The following OPCML variants were observed in gnomAD, a reference collection of about 807,000 sequenced individuals.
OPCML encodes the protein opioid-binding protein/cell adhesion molecule.
Under a neutral mutation model 37.8 loss-of-function variants are expected in OPCML, and 13 were observed. That is an observed-to-expected ratio of 0.34 (90% CI 0.22 to 0.55). The LOEUF (loss-of-function observed/expected upper bound fraction) is 0.55, where lower values mean the gene tolerates loss of function less well. Among genes scored for constraint, OPCML ranks in the 20% least tolerant of loss-of-function variants. The pLI, the probability that OPCML is intolerant of heterozygous loss-of-function variation, is 0.91. For missense variants in OPCML, 341 were observed against 435.6 expected (o/e 0.78, Z 1.93); for synonymous variants, 176 against 168.8 (o/e 1.04, Z -0.33).
At chr11:132,963,376 G>A (rs1170552294) in intron 1 of OPCML, among the ~76,000 whole-genome samples, 1 of 151,952 alleles carries the variant, frequency 6.6e-6, no homozygotes, top group Non-Finnish European at 1.5e-5. Context: ...CGGATCACGA[G>A]GTCAGGAGTC....
At chr11:132,508,734 G>T (rs1311470789) in intron 4 of OPCML, among the ~76,000 whole-genome samples, 1 of 152,148 alleles carries the variant, frequency 6.6e-6, no homozygotes, top group Non-Finnish European at 1.5e-5. Context: ...CATGTAAGAA[G>T]TGCCTTTGCC....
intron 3 of OPCML, among the ~76,000 whole-genome samples, chr11:132,613,461 G>C (rs964109399): frequency 3.9e-5 from 6 of 152,198 alleles, no homozygotes; most frequent in African/African-American, 1.4e-4. Context: ...CCAGCTAATT[G>C]ATTTTATATA....
intron 4 of OPCML, among the ~76,000 whole-genome samples, chr11:132,486,417 A>G (rs921322639): frequency 1.3e-5 from 2 of 152,186 alleles, no homozygotes; most frequent in Non-Finnish European, 2.9e-5. Flanking sequence ...ATTGTTAAAA[A>G]AAATGCATTT....
chr11:133,378,019 T>G (rs1175930130), intron 1 of OPCML, among the ~76,000 whole-genome samples: 2 of 152,340 alleles, frequency 1.3e-5, no homozygotes, highest in East Asian at 3.9e-4. Context: ...GAAATCGGTC[T>G]TCCTGTAATT....
chr11:133,428,690 T>C (rs1030044548), intron 1 of OPCML, among the ~76,000 whole-genome samples: 14 of 152,018 alleles, frequency 9.2e-5, no homozygotes, highest in Non-Finnish European at 1.5e-4. Context: ...GAAAATGAGC[T>C]TCAATAAATG....
intron 2 of OPCML, among the ~76,000 whole-genome samples, chr11:132,878,036 G>C (rs1419638947): frequency 6.6e-6 from 1 of 152,180 alleles, no homozygotes; most frequent in African/African-American, 2.4e-5. Flanking sequence ...CAACAAATTA[G>C]CTGGCTGTGG....
At chr11:133,341,977 C>T (rs762345176) in intron 1 of OPCML, among the ~76,000 whole-genome samples, 1 of 151,954 alleles carries the variant, frequency 6.6e-6, no homozygotes, top group Non-Finnish European at 1.5e-5. Flanking sequence ...GAATTAATAA[C>T]ATCGAGCCTG....
intron 1 of OPCML, among the ~76,000 whole-genome samples, chr11:133,200,267 A>C (rs1938715078): frequency 6.6e-6 from 1 of 152,208 alleles, no homozygotes; most frequent in South Asian, 2.1e-4. Flanking sequence ...AGAGATTGGC[A>C]CACTGATTTC....
intron 1 of OPCML, among the ~76,000 whole-genome samples, chr11:133,264,902 T>C (rs1380651340): frequency 2.0e-5 from 3 of 152,214 alleles, no homozygotes; most frequent in Admixed American, 6.5e-5. Context: ...AATAGTTAAT[T>C]ATGTGTTAGA....
chr11:132,726,983 C>T (rs375284191), intron 2 of OPCML, among the ~76,000 whole-genome samples: 5 of 152,252 alleles, frequency 3.3e-5, no homozygotes, highest in Middle Eastern at 3.4e-3. Flanking sequence ...TGACCCCATG[C>T]GGAATGAGTC....
At chr11:132,969,406 T>C (rs188490310) in intron 1 of OPCML, among the ~76,000 whole-genome samples, 9 of 152,322 alleles carry the variant, frequency 5.9e-5, no homozygotes, top group Non-Finnish European at 8.8e-5. Context: ...TGGGTGTGGA[T>C]GTTTTCACAT....
chr11:132,994,289 A>C (rs1034108804), intron 1 of OPCML, among the ~76,000 whole-genome samples: 2 of 152,204 alleles, frequency 1.3e-5, no homozygotes, highest in Non-Finnish European at 2.9e-5. Context: ...GGCTATTAAA[A>C]AGCCCAGGCG....
chr11:132,486,724 C>T (rs1459904479), intron 4 of OPCML, among the ~76,000 whole-genome samples: 1 of 151,056 alleles, frequency 6.6e-6, no homozygotes, highest in Non-Finnish European at 1.5e-5. Flanking sequence ...CATCATCTAT[C>T]AATATCCTTT....
At chr11:133,421,036 A>C in intron 1 of OPCML, 1 of 985,426 alleles carries the variant, frequency 1.0e-6, no homozygotes, top group South Asian at 4.7e-5. Context: ...CATGGGGTGT[A>C]GATTTTGTCC....
intron 1 of OPCML, among the ~76,000 whole-genome samples, chr11:133,509,485 G>A (rs1455692344): frequency 2.6e-5 from 4 of 152,146 alleles, no homozygotes; most frequent in Non-Finnish European, 5.9e-5. Flanking sequence ...GGGCATTTGG[G>A]TTTATTCCAT....
intron 1 of OPCML, among the ~76,000 whole-genome samples, chr11:133,031,437 G>T (rs1161540954): frequency 6.7e-6 from 1 of 150,022 alleles, no homozygotes; most frequent in Non-Finnish European, 1.5e-5. Context: ...TTGGTTGGAT[G>T]GGTAGGTGAA....
At position 133,125,582 on chromosome 11, in the gene OPCML, CAT is replaced by C. The variant is rs964258921; in HGVS notation, c.62-182574_62-182573del. 4.9e-4 allele frequency among the ~76,000 whole-genome samples: 71 copies of C among 143,908 alleles called. 1 individual carries two copies. Among genetic ancestry groups the C allele is most frequent in the African/African-American group, 1.8e-3 (70 of 38,796 alleles). The allele number at this position is 143,908 out of a possible 152,430, so 94.4% of individuals were successfully genotyped here. On this transcript the variant is annotated intron_variant, in intron 1 of 7. Transcript: ENST00000524381. ...TATATATATATAAAAAATATAGACA[CAT>C]GTATATATATAGTGTGTATATATAC... is the stretch of plus-strand genomic sequence containing the variant.
intron 2 of OPCML, among the ~76,000 whole-genome samples, chr11:132,665,686 A>C (rs931331026): frequency 1.3e-5 from 2 of 152,196 alleles, no homozygotes; most frequent in African/African-American, 4.8e-5. Context: ...TCTGAACAAA[A>C]TAATGAATGA....
chr11:133,462,412 G>A (rs926920497), intron 1 of OPCML, among the ~76,000 whole-genome samples: 1 of 152,002 alleles, frequency 6.6e-6, no homozygotes, highest in East Asian at 1.9e-4. Context: ...AACCTATGGA[G>A]TAAAAACTAA....
Sources: gnomAD v4.1 joint callset for allele counts (sites outside exome capture counted in the v4.1 genomes callset) on GRCh38, gnomAD v4.1.1 for gene constraint, MANE v1.5 for transcripts, NCBI Gene and HGNC (gene_info 2026-07-23, HGNC 2026-07-21) for gene names.